PELI2: variants seen among roughly 807,000 people sequenced by gnomAD.
The protein encoded by PELI2 is E3 ubiquitin-protein ligase pellino homolog 2.
In PELI2, 23 loss-of-function variants were observed where a neutral mutation model predicts 42.3. The ratio of observed to expected loss-of-function variants is 0.54; its 90% CI spans 0.39 to 0.77. PELI2 has a LOEUF of 0.77. Among genes scored for constraint, PELI2 ranks in the 30% least tolerant of loss-of-function variants. PELI2 has a pLI of 0.00. For missense variants in PELI2, 463 were observed against 553.2 expected (o/e 0.84, Z 1.64); for synonymous variants, 245 against 212.2 (o/e 1.15, Z -1.34).
At chr14:56,206,990 T>A (rs1206422049) in intron 2 of PELI2, among the ~76,000 whole-genome samples, 1 of 152,202 alleles carries the variant, frequency 6.6e-6, no homozygotes, top group East Asian at 1.9e-4. Flanking sequence ...AGGTTCTTAG[T>A]TTTCAGTGAT....
chr14:56,178,376 A>G lies in PELI2; in HGVS notation c.119A>G (p.Lys40Arg). ...CCCAATGGAGATAGAGGACGGAGGA[A>G]AAGTAGATTTGCCCTCTACAAGCGG... ...ALPNGDRGRR[K>R]SRFALYKRPK... Residue 40 changes from lysine to arginine, a missense_variant, in exon 2 of 6, where the codon AAA becomes AGA. Physicochemically the swap from Lys to Arg is conservative, Grantham distance 26 (BLOSUM62 2). Around this residue, in one of 3 missense-constraint regions of PELI2, gnomAD observed 343 missense variants for 378.4 expected, o/e 0.91. Transcript: ENST00000267460. 2 of 1,614,102 alleles carry G rather than the reference A, an allele frequency of 1.2e-6. No individual in the cohort carries two copies. The highest frequency in any genetic ancestry group is 1.7e-6 in the Non-Finnish European group (2 of 1,179,938).
intron 1 of PELI2, among the ~76,000 whole-genome samples, chr14:56,174,684 A>G (rs1885305495): frequency 6.6e-6 from 1 of 152,086 alleles, no homozygotes; most frequent in Non-Finnish European, 1.5e-5. Flanking sequence ...GAAGAAGGTG[A>G]TTGTTTCCCC....
chr14:56,239,345 CT>C (rs1887898714), intron 2 of PELI2, among the ~76,000 whole-genome samples: 1 of 152,158 alleles, frequency 6.6e-6, no homozygotes, highest in Non-Finnish European at 1.5e-5. Flanking sequence ...AGAATATCTG[CT>C]TTTAAAAATT....
chr14:56,262,584 G>C (rs1288207427), intron 2 of PELI2, among the ~76,000 whole-genome samples: 1 of 152,010 alleles, frequency 6.6e-6, no homozygotes, highest in Non-Finnish European at 1.5e-5. Context: ...CTTTACCATA[G>C]ATAGAATGTA....
Position 56,297,188 on chromosome 14 carries a change from A to G in PELI2, c.*22A>G, listed in dbSNP as rs1375133625. 20 of 1,527,842 alleles carry G rather than the reference A, an allele frequency of 1.3e-5. No individual in the cohort carries two copies. The highest frequency in any genetic ancestry group is 1.8e-5 in the Non-Finnish European group (20 of 1,122,816). 94.6% of individuals were successfully genotyped at this position (1,527,842 alleles called of 1,614,324 possible). A position where few individuals can be genotyped will look rare whatever the true frequency, so the allele number is the denominator to read the frequency against. On this transcript the variant is annotated 3_prime_UTR_variant, in exon 6 of 6. Transcript: ENST00000267460. Reference sequence around the variant, plus strand: ...CTGACGCCCTTGACAGCCATCTACGACTTTATTAACAGGTTACTGTGAAGA... The same window carrying G: ...CTGACGCCCTTGACAGCCATCTACGGCTTTATTAACAGGTTACTGTGAAGA...
intron 2 of PELI2, among the ~76,000 whole-genome samples, chr14:56,217,574 A>G (rs1886953554): frequency 6.6e-6 from 1 of 152,228 alleles, no homozygotes; most frequent in African/African-American, 2.4e-5. Flanking sequence ...CACTCACTGC[A>G]TCAGGAAACT....
At position 56,118,412 on chromosome 14, in the gene PELI2, C is replaced by G; in HGVS notation, c.-249C>G. The G allele has an allele frequency of 3.6e-6, 1 of 274,620 alleles. No homozygotes were observed. The highest frequency in any genetic ancestry group is 6.8e-6 in the Non-Finnish European group (1 of 147,902). 17.0% of individuals were successfully genotyped at this position (274,620 alleles called of 1,614,324 possible). On this transcript the variant is annotated 5_prime_UTR_variant, in exon 1 of 6. Transcript: ENST00000267460. ...AGGCAGGTCCCCCTGCTGCCGGGTC[C>G]CATTTGTTGCCGGCTCTGACTCGGG...
intron 1 of PELI2, among the ~76,000 whole-genome samples, chr14:56,148,581 T>G (rs1050134444): frequency 6.6e-6 from 1 of 152,212 alleles, no homozygotes; most frequent in African/African-American, 2.4e-5. Flanking sequence ...CCTTGTCTGC[T>G]CCGAACATAT....
At position 56,297,566 on chromosome 14, in the gene PELI2, TGTGGTGTAG is replaced by T. The variant is rs1431685876; in HGVS notation, c.*404_*412del. The T allele has an allele frequency of 4.7e-6, 1 of 211,516 alleles. No homozygotes were observed. Among genetic ancestry groups the T allele is most frequent in the Non-Finnish European group, 9.6e-6 (1 of 104,614 alleles). The allele number at this position is 211,516 out of a possible 1,614,324, so 13.1% of individuals were successfully genotyped here. The stretch of plus-strand genomic sequence containing the variant: ...GCTCATGAAGTTCACTTCAGTGCAG[TGTGGTGTAG>T]GTGTTACGCGAAGGGCGCACAGTGT... On this transcript the variant is annotated 3_prime_UTR_variant, in exon 6 of 6. Transcript: ENST00000267460.
At chr14:56,266,493 A>G (rs1888910470) in intron 2 of PELI2, among the ~76,000 whole-genome samples, 1 of 152,042 alleles carries the variant, frequency 6.6e-6, no homozygotes, top group Non-Finnish European at 1.5e-5. Context: ...AGCATTCTTA[A>G]AAGCCTTATT....
chr14:56,254,459 C>A (rs1346174941), intron 2 of PELI2, among the ~76,000 whole-genome samples: 1 of 150,952 alleles, frequency 6.6e-6, no homozygotes, highest in Non-Finnish European at 1.5e-5. Context: ...TGAAACTGGA[C>A]CCCTTCCTTA....
At chr14:56,141,427 G>T (rs1385761012) in intron 1 of PELI2, among the ~76,000 whole-genome samples, 1 of 152,184 alleles carries the variant, frequency 6.6e-6, no homozygotes, top group Non-Finnish European at 1.5e-5. Flanking sequence ...TTCGTCTTTG[G>T]TCTGTTAGGT....
chr14:56,228,278 T>A (rs1253254730), intron 2 of PELI2, among the ~76,000 whole-genome samples: 1 of 152,206 alleles, frequency 6.6e-6, no homozygotes, highest in East Asian at 1.9e-4. Context: ...GGTTCATCTT[T>A]CCCTTTTTCA....
intron 1 of PELI2, among the ~76,000 whole-genome samples, chr14:56,146,415 G>A (rs1029905741): frequency 6.6e-6 from 1 of 152,170 alleles, no homozygotes; most frequent in Non-Finnish European, 1.5e-5. Context: ...CTCCCTTGGC[G>A]ATGCATTGGT....
intron 2 of PELI2, among the ~76,000 whole-genome samples, chr14:56,190,899 G>A (rs957736783): frequency 6.6e-6 from 1 of 152,210 alleles, no homozygotes; most frequent in African/African-American, 2.4e-5. Flanking sequence ...AATTTGAATT[G>A]TAGTTATTTG....
chr14:56,242,785 A>T (rs1888020872), intron 2 of PELI2, among the ~76,000 whole-genome samples: 1 of 152,194 alleles, frequency 6.6e-6, no homozygotes, highest in African/African-American at 2.4e-5. Context: ...TCTCAGTTGT[A>T]AGTGGGAGCT....
chr14:56,287,725 G>T (rs903347323), intron 3 of PELI2, among the ~76,000 whole-genome samples: 1 of 152,148 alleles, frequency 6.6e-6, no homozygotes, highest in Non-Finnish European at 1.5e-5. Context: ...GCATGAGAAC[G>T]TATATATGAG....
intron 2 of PELI2, among the ~76,000 whole-genome samples, chr14:56,233,062 T>C (rs576231655): frequency 1.4e-3 from 209 of 152,230 alleles, no homozygotes; most frequent in African/African-American, 4.9e-3. Flanking sequence ...GTGAAGGACC[T>C]CTTCAAGGAG....
chr14:56,252,900 A>G (rs559154306), intron 2 of PELI2, among the ~76,000 whole-genome samples: 3 of 152,192 alleles, frequency 2.0e-5, no homozygotes, highest in African/African-American at 4.8e-5. Context: ...CAGAGACACA[A>G]CAAAAAAGGA....
Sources: allele counts gnomAD v4.1 joint callset (sites outside exome capture counted in the v4.1 genomes callset), GRCh38; gene constraint gnomAD v4.1.1; regional missense constraint gnomAD v4.1.1; transcripts MANE v1.5; gene names NCBI Gene and HGNC (gene_info 2026-07-23, HGNC 2026-07-21).